Variants in PRORP observed in about 807,000 individuals in gnomAD.
PRORP encodes the protein protein only RNase P catalytic subunit.
PRORP carries 51 observed loss-of-function variants against 59.4 expected under a neutral mutation model. The observed-to-expected ratio is 0.86, with a 90% CI of 0.69 to 1.08. PRORP has a LOEUF of 1.08. PRORP is among the 50% of genes least tolerant of loss of function. The pLI is 0.00. For missense variants in PRORP, 646 were observed against 690.3 expected (o/e 0.94, Z 0.72); for synonymous variants, 231 against 245.6 (o/e 0.94, Z 0.55).
chr14:35,229,573 A>G (rs2050020854), intron 5 of PRORP, among the ~76,000 whole-genome samples: 1 of 152,140 alleles, frequency 6.6e-6, no homozygotes, highest in Non-Finnish European at 1.5e-5. Context: ...TAATGCTGGT[A>G]TTTTAAAAGG....
intron 5 of PRORP, among the ~76,000 whole-genome samples, chr14:35,258,190 C>T (rs1390574233): frequency 4.6e-5 from 7 of 152,142 alleles, no homozygotes; most frequent in Admixed American, 3.3e-4. Context: ...CAGGGTCTCA[C>T]CATGTTGCCC....
At chr14:35,200,194 GTTTGTT>G (rs2049111447) in intron 5 of PRORP, among the ~76,000 whole-genome samples, 1 of 151,928 alleles carries the variant, frequency 6.6e-6, no homozygotes, top group South Asian at 2.1e-4. Context: ...TTGTTTGTTT[GTTTGTT>G]TTTTTCTTTT....
chr14:35,122,024 A>G, upstream of PRORP: 2 of 1,576,326 alleles, frequency 1.3e-6, no homozygotes, highest in Non-Finnish European at 8.7e-7. Flanking sequence ...CTACCAGCTC[A>G]GGCGTCAGCA....
chr14:35,172,413 TTTCCTTCCTTCC>T (rs71121269), intron 4 of PRORP, among the ~76,000 whole-genome samples: 2,292 of 77,628 alleles, frequency 0.03, 143 homozygotes, highest in Middle Eastern at 0.055. Context: ...GGTTTCTTTC[TTTCCTTCCTTCC>T]TTCCTTCCTT....
chr14:35,151,639 TACACACACACACACACACACACAC>T (rs55940352), intron 4 of PRORP, among the ~76,000 whole-genome samples: 1 of 141,846 alleles, frequency 7.0e-6, no homozygotes, highest in African/African-American at 2.6e-5. Flanking sequence ...CACACACACA[TACACACACACACACACACACACAC>T]ACACACACAC....
intron 4 of PRORP, among the ~76,000 whole-genome samples, chr14:35,144,763 G>A (rs559633728): frequency 6.9e-6 from 1 of 145,918 alleles, no homozygotes; most frequent in Non-Finnish European, 1.5e-5. Context: ...CAGATCCCCT[G>A]AGAGGGTCTT....
chr14:35,239,154 A>G (rs2050294683), intron 5 of PRORP, among the ~76,000 whole-genome samples: 1 of 152,056 alleles, frequency 6.6e-6, no homozygotes, highest in Non-Finnish European at 1.5e-5. Flanking sequence ...TCAGGAGTTC[A>G]AAACCAGCCT....
intron 5 of PRORP, among the ~76,000 whole-genome samples, chr14:35,201,942 G>A (rs2049161818): frequency 6.7e-6 from 1 of 149,376 alleles, no homozygotes; most frequent in African/African-American, 2.5e-5. Context: ...ACAGGCATGA[G>A]TCACCGTGCC....
At chr14:35,227,270 C>T (rs1462028733) in intron 5 of PRORP, among the ~76,000 whole-genome samples, 4 of 151,212 alleles carry the variant, frequency 2.6e-5, no homozygotes, top group African/African-American at 7.3e-5. Flanking sequence ...GGTGAAACCC[C>T]GTCTCTACTA....
intron 4 of PRORP, among the ~76,000 whole-genome samples, chr14:35,145,652 G>A (rs2047586641): frequency 7.2e-6 from 1 of 139,588 alleles, no homozygotes; most frequent in Non-Finnish European, 1.6e-5. Context: ...CCTGGGAGGC[G>A]GAGGTTGCAG....
At chr14:35,169,658 C>T (rs1217976277) in intron 4 of PRORP, among the ~76,000 whole-genome samples, 1 of 152,006 alleles carries the variant, frequency 6.6e-6, no homozygotes, top group Non-Finnish European at 1.5e-5. Context: ...AAGAAACCAC[C>T]CCCATAATCT....
chr14:35,186,288 T>C (rs1041365965), intron 5 of PRORP, among the ~76,000 whole-genome samples: 1 of 152,004 alleles, frequency 6.6e-6, no homozygotes, highest in African/African-American at 2.4e-5. Flanking sequence ...GCCTAGATTT[T>C]GCTTTTGGCA....
At chr14:35,242,008 C>A (rs2050381871) in intron 5 of PRORP, among the ~76,000 whole-genome samples, 1 of 152,088 alleles carries the variant, frequency 6.6e-6, no homozygotes, top group Non-Finnish European at 1.5e-5. Context: ...GTCTTGTTTA[C>A]CCTTATATCC....
rs183095404 is a variant in PRORP at position 35,235,275 on chromosome 14, G to A, written c.1276-31452G>A. On this transcript the variant is annotated intron_variant, in intron 5 of 7. Transcript: ENST00000534898. ...AGGACATTGCCTCCCTAGTGATGGCGGATTTCATCATATCTGTCATTGTAA... is the reference window on the plus strand; with the variant it reads ...AGGACATTGCCTCCCTAGTGATGGCAGATTTCATCATATCTGTCATTGTAA... 594 of 692,716 alleles carry A rather than the reference G, an allele frequency of 8.6e-4. 2 individuals carry two copies. The highest frequency in any genetic ancestry group is 1.1e-3 in the Non-Finnish European group (424 of 376,626). 42.9% of individuals were successfully genotyped at this position (692,716 alleles called of 1,614,324 possible). A position where few individuals can be genotyped will look rare whatever the true frequency, so the allele number is the denominator to read the frequency against.
At chr14:35,251,854 G>A (rs942761069) in intron 5 of PRORP, among the ~76,000 whole-genome samples, 4 of 152,016 alleles carry the variant, frequency 2.6e-5, no homozygotes, top group African/African-American at 9.7e-5. Flanking sequence ...GCGCCTGGCT[G>A]TTTAATATTT....
At position 35,172,413 on chromosome 14, in the gene PRORP, T is replaced by TTTCCTTCCTTCCTTCCTTCCTTCCTTCC. The variant is rs71121269; in HGVS notation, c.1168-8241_1168-8214dup. ...TCTACACTTTGGATTGGTTTCTTTCTTTCCTTCCTTCCTTCCTTCCTTCCT... is the reference window on the plus strand; with the variant it reads ...TCTACACTTTGGATTGGTTTCTTTCTTTCCTTCCTTCCTTCCTTCCTTCCTTCCTTCCTTCCTTCCTTCCTTCCTTCCT... On this transcript the variant is annotated intron_variant, in intron 4 of 7. Transcript: ENST00000534898. Among the ~76,000 whole-genome samples the TTTCCTTCCTTCCTTCCTTCCTTCCTTCC allele has an allele frequency of 3.8e-3, 296 of 77,324 alleles. 6 individuals are homozygous for TTTCCTTCCTTCCTTCCTTCCTTCCTTCC. Among genetic ancestry groups the TTTCCTTCCTTCCTTCCTTCCTTCCTTCC allele is most frequent in the Middle Eastern group, 5.6e-3 (1 of 180 alleles). The allele number at this position is 77,324 out of a possible 152,430, so 50.7% of individuals were successfully genotyped here.
rs925741645 is a variant in PRORP at position 35,145,459 on chromosome 14, C to T, written c.1167+17848C>T. ...ATAAAAGGCCGGGCGCAGTGGCTCACGCCTGTAATCTCAGCACTTTGGGAG... is the reference window on the plus strand; with the variant it reads ...ATAAAAGGCCGGGCGCAGTGGCTCATGCCTGTAATCTCAGCACTTTGGGAG... On this transcript the variant is annotated intron_variant, in intron 4 of 7. Coordinates refer to ENST00000534898, the MANE Select transcript of PRORP (RefSeq NM_014672.4). Among the ~76,000 whole-genome samples, 11 of 143,350 alleles carry T rather than the reference C, an allele frequency of 7.7e-5. 2 individuals carry two copies. The highest frequency in any genetic ancestry group is 1.4e-4 in the Non-Finnish European group (9 of 64,860). The allele number at this position is 143,350 out of a possible 152,430, so 94.0% of individuals were successfully genotyped here. A position where few individuals can be genotyped will look rare whatever the true frequency, so the allele number is the denominator to read the frequency against.
Position 35,123,490 on chromosome 14 carries a change from CTCATTTTT to C in PRORP, c.247_254del (p.His83PhefsTer6). Reference sequence around the variant, plus strand: ...AGTAATAAGCAAGTTTATTCTGTTCCTCATTTTTTTTTAGCTGGAGCAGCTAAGGAGAG... The same window carrying C: ...AGTAATAAGCAAGTTTATTCTGTTCCTTTTAGCTGGAGCAGCTAAGGAGAG... On this transcript the variant is annotated frameshift_variant, in exon 2 of 8. Coordinates refer to ENST00000534898, the MANE Select transcript of PRORP (RefSeq NM_014672.4). LOFTEE classifies it high-confidence loss of function. The C allele has an allele frequency of 6.2e-7, 1 of 1,614,154 alleles. No individual in the cohort carries two copies. The highest frequency in any genetic ancestry group is 1.1e-5 in the South Asian group (1 of 91,084).
At chr14:35,218,170 C>T (rs2049654672) in intron 5 of PRORP, among the ~76,000 whole-genome samples, 1 of 151,982 alleles carries the variant, frequency 6.6e-6, no homozygotes, top group Admixed American at 6.6e-5. Context: ...AAACAAGAAA[C>T]ACAATAGAGC....
Sources: allele counts gnomAD v4.1 joint callset (sites outside exome capture counted in the v4.1 genomes callset), GRCh38; gene constraint gnomAD v4.1.1; transcripts MANE v1.5; gene names NCBI Gene and HGNC (gene_info 2026-07-23, HGNC 2026-07-21).